Variants in MACROD2 observed in about 807,000 individuals in gnomAD.
MACROD2 encodes the protein ADP-ribose glycohydrolase MACROD2.
Under a neutral mutation model 70.4 loss-of-function variants are expected in MACROD2, and 36 were observed. That is an observed-to-expected ratio of 0.51 (90% CI 0.39 to 0.68). The LOEUF (loss-of-function observed/expected upper bound fraction) is 0.68, where lower values mean the gene tolerates loss of function less well. Among genes scored for constraint, MACROD2 ranks in the 30% least tolerant of loss-of-function variants. The pLI is 0.00. For synonymous variants in MACROD2, 172 were observed against 178.8 expected (o/e 0.96, Z 0.30); for missense variants, 496 against 538.4 (o/e 0.92, Z 0.78).
intron 15 of MACROD2, among the ~76,000 whole-genome samples, chr20:16,027,069 C>T (rs930560279): frequency 3.9e-5 from 6 of 152,128 alleles, no homozygotes; most frequent in African/African-American, 1.2e-4. Flanking sequence ...AAATAAGCTG[C>T]CTAGAAAATG....
intron 5 of MACROD2, among the ~76,000 whole-genome samples, chr20:15,087,047 CTATT>C (rs2075754126): frequency 6.6e-6 from 1 of 152,012 alleles, no homozygotes; most frequent in Non-Finnish European, 1.5e-5. Flanking sequence ...TAGGGAAAAT[CTATT>C]TAATTATCTA....
intron 3 of MACROD2, among the ~76,000 whole-genome samples, chr20:14,160,175 G>A (rs977041221): frequency 6.6e-6 from 1 of 151,970 alleles, no homozygotes; most frequent in African/African-American, 2.4e-5. Flanking sequence ...TACTGCCTGT[G>A]GTTTTCTTTT....
chr20:14,565,892 C>T (rs1411716598), intron 4 of MACROD2, among the ~76,000 whole-genome samples: 1 of 151,740 alleles, frequency 6.6e-6, no homozygotes, highest in East Asian at 1.9e-4. Context: ...TCTTTTTACC[C>T]CTAAGACCTA....
intron 3 of MACROD2, among the ~76,000 whole-genome samples, chr20:14,411,431 T>C (rs138651433): frequency 6.6e-6 from 1 of 152,226 alleles, no homozygotes; most frequent in African/African-American, 2.4e-5. Flanking sequence ...TGGTTCTCAT[T>C]AACCCCGAAT....
intron 3 of MACROD2, among the ~76,000 whole-genome samples, chr20:14,188,635 A>G (rs2081362512): frequency 1.3e-5 from 2 of 152,156 alleles, no homozygotes; most frequent in Admixed American, 1.3e-4. Context: ...CAACACTGAA[A>G]TAACAACATT....
intron 8 of MACROD2, among the ~76,000 whole-genome samples, chr20:15,627,697 C>G (rs1401364215): frequency 6.6e-6 from 1 of 152,174 alleles, no homozygotes; most frequent in African/African-American, 2.4e-5. Context: ...GAAAATGTCT[C>G]AAAAGGCCAG....
At chr20:14,574,740 G>A (rs1015438615) in intron 4 of MACROD2, among the ~76,000 whole-genome samples, 1 of 150,914 alleles carries the variant, frequency 6.6e-6, no homozygotes, top group Non-Finnish European at 1.5e-5. Context: ...GGCCGGGCGC[G>A]GTGGCTCACG....
intron 3 of MACROD2, among the ~76,000 whole-genome samples, chr20:14,185,809 C>G (rs1030089986): frequency 1.3e-5 from 2 of 152,124 alleles, no homozygotes; most frequent in African/African-American, 4.8e-5. Context: ...ACCTGCCACA[C>G]AGGGCTTTTA....
intron 8 of MACROD2, among the ~76,000 whole-genome samples, chr20:15,538,151 AAG>A (rs979101553): frequency 6.6e-6 from 1 of 152,224 alleles, no homozygotes; most frequent in African/African-American, 2.4e-5. Context: ...ACGAAGGAAA[AAG>A]AAAAACAACT....
At chr20:14,346,570 G>GT (rs1033883218) in intron 3 of MACROD2, among the ~76,000 whole-genome samples, 13 of 152,162 alleles carry the variant, frequency 8.5e-5, no homozygotes, top group African/African-American at 3.1e-4. Context: ...AGAGGTTACA[G>GT]TTTTTTAAAA....
intron 3 of MACROD2, among the ~76,000 whole-genome samples, chr20:14,448,253 G>C (rs1299457652): frequency 1.3e-5 from 2 of 151,980 alleles, no homozygotes; most frequent in Non-Finnish European, 2.9e-5. Flanking sequence ...ACAAACTTCA[G>C]TGTACTAAAT....
chr20:14,363,089 C>T (rs1447163667), intron 3 of MACROD2, among the ~76,000 whole-genome samples: 4 of 152,158 alleles, frequency 2.6e-5, no homozygotes, highest in African/African-American at 9.7e-5. Flanking sequence ...CACTCAGCTC[C>T]ACCTCTTCAC....
At chr20:14,944,906 C>T (rs1308161645) in intron 5 of MACROD2, among the ~76,000 whole-genome samples, 1 of 152,098 alleles carries the variant, frequency 6.6e-6, no homozygotes, top group Admixed American at 6.5e-5. Flanking sequence ...TGTCCTTTAT[C>T]CACTCTGGCT....
At chr20:15,631,208 G>T (rs1295696665) in intron 8 of MACROD2, among the ~76,000 whole-genome samples, 1 of 152,170 alleles carries the variant, frequency 6.6e-6, no homozygotes, top group Non-Finnish European at 1.5e-5. Flanking sequence ...CTTGCAGAAG[G>T]ACAGCACGGT....
At chr20:14,174,787 C>G (rs759053042) in intron 3 of MACROD2, among the ~76,000 whole-genome samples, 17 of 152,214 alleles carry the variant, frequency 1.1e-4, no homozygotes, top group Non-Finnish European at 2.2e-4. Flanking sequence ...GGCAGCCCTT[C>G]CCATGGACCC....
At chr20:15,188,012 G>T (rs2076544984) in intron 5 of MACROD2, among the ~76,000 whole-genome samples, 3 of 152,218 alleles carry the variant, frequency 2.0e-5, no homozygotes, top group East Asian at 3.9e-4. Context: ...TGTAATGGGG[G>T]CTTTCAGAAA....
At chr20:14,356,836 C>T (rs2083177458) in intron 3 of MACROD2, among the ~76,000 whole-genome samples, 1 of 152,088 alleles carries the variant, frequency 6.6e-6, no homozygotes, top group Non-Finnish European at 1.5e-5. Flanking sequence ...ACCTCACGCA[C>T]GGCTGGCATA....
chr20:15,295,118 T>G (rs1379058684), intron 6 of MACROD2, among the ~76,000 whole-genome samples: 2 of 152,184 alleles, frequency 1.3e-5, no homozygotes, highest in Non-Finnish European at 2.9e-5. Context: ...TCTTATGAGA[T>G]CTGATGGTTT....
chr20:15,073,248 GAAAAACTAT>G (rs2075632455), intron 5 of MACROD2, among the ~76,000 whole-genome samples: 1 of 152,020 alleles, frequency 6.6e-6, no homozygotes, highest in Non-Finnish European at 1.5e-5. Flanking sequence ...GAAGACTCTT[GAAAAACTAT>G]GAATATGTCT....
Sources: allele counts gnomAD v4.1 joint callset (sites outside exome capture counted in the v4.1 genomes callset), GRCh38; gene constraint gnomAD v4.1.1; transcripts MANE v1.5; gene names NCBI Gene and HGNC (gene_info 2026-07-23, HGNC 2026-07-21).